Variants in RBM41 observed in about 807,000 individuals in gnomAD.
The protein encoded by RBM41 is RNA binding motif protein 41.
RBM41 carries 14 observed loss-of-function variants against 30.8 expected under a neutral mutation model. The observed-to-expected ratio is 0.45, with a 90% confidence interval of 0.30 to 0.71. RBM41 has a LOEUF of 0.71. Ranked by LOEUF, RBM41 falls within the 30% of genes least tolerant of loss-of-function variation. RBM41 has a pLI of 0.08. For missense variants in RBM41, 276 were observed against 326.3 expected, an observed-to-expected ratio of 0.85 and a Z score of 1.19; for synonymous variants, 120 against 110.1, an observed-to-expected ratio of 1.09 and a Z score of -0.56.
chrX:107,110,036 AAC>A (rs1449044424), intron 5 of RBM41, among the ~76,000 whole-genome samples: 1 of 111,205 alleles, frequency 9.0e-6, no homozygotes, highest in East Asian at 2.8e-4. Context: ...GTTAAGTATT[AAC>A]ACACAAATTC....
At chrX:107,110,825 T>C (rs1206328399) in intron 5 of RBM41, among the ~76,000 whole-genome samples, 2 of 111,212 alleles carry the variant, frequency 1.8e-5, no homozygotes, top group Non-Finnish European at 3.8e-5. Context: ...CAACTGGCAC[T>C]GGGAAAACTG....
At position 107,067,513 on chromosome X, in the gene RBM41, A is replaced by C; in HGVS notation, c.*14T>G. The stretch of plus-strand genomic sequence containing the variant: ...TCAAGAAAGACCATCCAGGACCCAC[A>C]ATTTATATATATTCTAGCTACCACT... On this transcript the variant is annotated 3_prime_UTR_variant, in exon 8 of 8. Coordinates refer to ENST00000685964, the MANE Select transcript of RBM41 (RefSeq NM_001324242.2). 1 of 1,188,585 alleles carries C rather than the reference A, an allele frequency of 8.4e-7. No homozygotes were observed.
intron 6 of RBM41, among the ~76,000 whole-genome samples, chrX:107,079,774 T>C (rs1331511651): frequency 8.9e-6 from 1 of 112,122 alleles, no homozygotes; most frequent in Non-Finnish European, 1.9e-5. Context: ...CTGTGTTTCA[T>C]GTATTTCTCC....
intron 5 of RBM41, among the ~76,000 whole-genome samples, chrX:107,106,503 G>T (rs1569343687): frequency 1.8e-5 from 2 of 111,542 alleles, no homozygotes; most frequent in Non-Finnish European, 3.8e-5. Context: ...ATTTGACCCA[G>T]CAATCCCATT....
At chrX:107,115,601 C>A in intron 3 of RBM41, 45 bp from the exon 4 acceptor site, 1 of 1,089,065 alleles carries the variant, frequency 9.2e-7, no homozygotes, top group Non-Finnish European at 1.3e-6. Context: ...GAGGGCACAA[C>A]CTGAACATGA....
At chrX:107,086,001 T>G (rs183837082) in intron 6 of RBM41, among the ~76,000 whole-genome samples, 1 of 111,529 alleles carries the variant, frequency 9.0e-6, no homozygotes, top group African/African-American at 3.3e-5. Flanking sequence ...TAAATAAATA[T>G]GAAAAAACAA....
At chrX:107,058,905 T>A (rs774291470), downstream of RBM41, among the ~76,000 whole-genome samples, 5 of 111,213 alleles carry the variant, frequency 4.5e-5, no homozygotes, top group East Asian at 1.4e-3. Context: ...GTCTCTTTTT[T>A]TTGTTTCTGA....
At chrX:107,076,271 C>T (rs888568976) in intron 6 of RBM41, among the ~76,000 whole-genome samples, 2 of 107,891 alleles carry the variant, frequency 1.9e-5, no homozygotes, top group African/African-American at 3.4e-5. Flanking sequence ...GAACCGAGAT[C>T]GCACCACTGT....
Position 107,067,483 on chromosome X carries a change from C to T in RBM41, c.*44G>A, listed in dbSNP as rs780411576. The T allele has an allele frequency of 8.9e-7, 1 of 1,128,300 alleles. No homozygotes were observed. Among genetic ancestry groups the T allele is most frequent in the South Asian group, 2.5e-5 (1 of 40,249 alleles). The allele number at this position is 1,128,300 out of a possible 1,213,427, so 93.0% of individuals were successfully genotyped here. A position where few individuals can be genotyped will look rare whatever the true frequency, so the allele number is the denominator to read the frequency against. ...ATACATAAATCCTAGATCCAAGATT[C>T]CAATTCAAGAAAGACCATCCAGGAC... On this transcript the variant is annotated 3_prime_UTR_variant, in exon 8 of 8. Transcript: ENST00000685964.
intron 6 of RBM41, among the ~76,000 whole-genome samples, chrX:107,071,036 C>A (rs1415825472): frequency 2.1e-5 from 2 of 96,010 alleles, no homozygotes; most frequent in Non-Finnish European, 4.0e-5. Context: ...GCCTGGGCAA[C>A]AGAGTGAGAC....
intron 6 of RBM41, among the ~76,000 whole-genome samples, chrX:107,077,831 A>G (rs1187304091): frequency 8.9e-6 from 1 of 111,744 alleles, no homozygotes; most frequent in Non-Finnish European, 1.9e-5. Context: ...TTTTAATTTT[A>G]GAACAGTTTT....
chrX:107,052,533 T>C, the RBM41 span, among the ~76,000 whole-genome samples: 8 of 110,559 alleles, frequency 7.2e-5, no homozygotes, highest in South Asian at 2.0e-3. Flanking sequence ...AAATGGGGCA[T>C]GGTAGGGGTT....
chrX:107,106,246 C>G (rs1251954687), intron 5 of RBM41, among the ~76,000 whole-genome samples: 1 of 112,245 alleles, frequency 8.9e-6, no homozygotes, highest in African/African-American at 3.2e-5. Context: ...GACATTTATG[C>G]AGCCAAAAAA....
intron 6 of RBM41, among the ~76,000 whole-genome samples, chrX:107,081,968 A>G (rs368135270): frequency 3.6e-5 from 4 of 111,922 alleles, no homozygotes; most frequent in East Asian, 5.6e-4. Context: ...GTGAACAAAG[A>G]GAGTTTTATT....
downstream of RBM41, among the ~76,000 whole-genome samples, chrX:107,058,774 G>A: frequency 9.0e-6 from 1 of 111,558 alleles, no homozygotes; most frequent in East Asian, 2.8e-4. Flanking sequence ...TCCCAATTTG[G>A]AGGCTGTACA....
chrX:107,086,623 G>A (rs1435495230), intron 6 of RBM41, among the ~76,000 whole-genome samples: 1 of 111,742 alleles, frequency 8.9e-6, no homozygotes, highest in African/African-American at 3.2e-5. Context: ...CTAACATACT[G>A]TAGGGAACAC....
rs1193399673 is a variant in RBM41, at chrX:107,071,218, A to C, written c.1000-1816T>G. 2.7e-5 allele frequency among the ~76,000 whole-genome samples: 3 copies of C among 110,167 alleles called. No homozygotes were observed. In the South Asian group the frequency reaches 1.2e-3, roughly 43 times the overall value. On this transcript the variant is annotated intron_variant, in intron 6 of 7. Transcript: ENST00000685964. ...AAAGTATATCACTACAAAAAAAAAA[A>C]AAAACCCAATGAACCACAAAGGAAG...
intron 5 of RBM41, among the ~76,000 whole-genome samples, chrX:107,091,398 A>G (rs1251095156): frequency 8.9e-6 from 1 of 112,329 alleles, no homozygotes; most frequent in Non-Finnish European, 1.9e-5. Flanking sequence ...TAAAGTCACT[A>G]TAAGTAACTG....
Position 107,066,966 on chromosome X carries a change from A to G in RBM41, c.*561T>C, listed in dbSNP as rs1935864423. The G allele has an allele frequency of 1.3e-6, 1 of 749,003 alleles. No homozygotes were observed. Among genetic ancestry groups the G allele is most frequent in the Non-Finnish European group, 1.6e-6 (1 of 634,784 alleles). 61.7% of individuals were successfully genotyped at this position (749,003 alleles called of 1,213,427 possible). On this transcript the variant is annotated 3_prime_UTR_variant, in exon 8 of 8. Coordinates refer to ENST00000685964, the MANE Select transcript of RBM41 (RefSeq NM_001324242.2). ...AAAATATATAGCTTTTTGAAGACTG[A>G]TAACTTGTGGAGGAAGCATTCATTA...
Sources: gnomAD v4.1 joint callset for allele counts (sites outside exome capture counted in the v4.1 genomes callset) on GRCh38, gnomAD v4.1.1 for gene constraint, MANE v1.5 for transcripts, NCBI Gene and HGNC (gene_info 2026-07-23, HGNC 2026-07-21) for gene names.